The following LINGO2 variants were observed in gnomAD, a reference collection of about 807,000 sequenced individuals.
The protein encoded by LINGO2 is leucine rich repeat and Ig domain containing 2, also known as leucine-rich repeat and immunoglobulin-like domain-containing nogo receptor-interacting protein 2.
Under a neutral mutation model 30.6 loss-of-function variants are expected in LINGO2, and 14 were observed. That is an observed-to-expected ratio of 0.46 (90% confidence interval 0.30 to 0.72). The LOEUF is 0.72. Among genes scored for constraint, LINGO2 ranks in the 30% least tolerant of loss-of-function variants. The probability of loss-of-function intolerance (pLI) is 0.07; values close to 1 mark genes in which losing one functional copy is unlikely to be tolerated. For synonymous variants in LINGO2, 317 were observed against 288.5 expected, an observed-to-expected ratio of 1.10 and a Z score of -1.00; for missense variants, 729 against 751.7, an observed-to-expected ratio of 0.97 and a Z score of 0.35.
chr9:28,319,385 C>A (rs766830292), intron 3 of LINGO2, among the ~76,000 whole-genome samples: 2 of 152,220 alleles, frequency 1.3e-5, no homozygotes, highest in Non-Finnish European at 2.9e-5. Flanking sequence ...TAGATTAAGA[C>A]CACTCAGATA....
the LINGO2 span, among the ~76,000 whole-genome samples, chr9:28,873,315 A>G: frequency 1.3e-5 from 2 of 150,298 alleles, no homozygotes; most frequent in African/African-American, 4.9e-5. Context: ...GGTTGCAGTG[A>G]GCTGAGCTCA....
the LINGO2 span, among the ~76,000 whole-genome samples, chr9:29,091,196 T>C: frequency 6.6e-6 from 1 of 152,074 alleles, no homozygotes; most frequent in Non-Finnish European, 1.5e-5. Flanking sequence ...AGGATTATTG[T>C]AAGGGAAAAG....
At chr9:28,884,201 G>A in the LINGO2 span, among the ~76,000 whole-genome samples, 1 of 151,884 alleles carries the variant, frequency 6.6e-6, no homozygotes, top group Non-Finnish European at 1.5e-5. Context: ...TACAGTTTTT[G>A]TTTTGAAAAT....
intron 4 of LINGO2, among the ~76,000 whole-genome samples, chr9:28,098,979 C>A (rs1826330188): frequency 6.6e-6 from 1 of 152,098 alleles, no homozygotes; most frequent in Admixed American, 6.6e-5. Flanking sequence ...TCATGCTACA[C>A]TGAAGCTGGT....
At chr9:28,774,216 T>C in the LINGO2 span, among the ~76,000 whole-genome samples, 4 of 152,190 alleles carry the variant, frequency 2.6e-5, no homozygotes, top group African/African-American at 9.6e-5. Flanking sequence ...GTTTCTATTC[T>C]TATAATAGTT....
chr9:28,351,070 T>C (rs1333363946), intron 3 of LINGO2, among the ~76,000 whole-genome samples: 1 of 151,880 alleles, frequency 6.6e-6, no homozygotes, highest in Non-Finnish European at 1.5e-5. Context: ...ATTGGCACCC[T>C]AACATCACAA....
At chr9:28,837,583 G>C in the LINGO2 span, among the ~76,000 whole-genome samples, 1 of 146,834 alleles carries the variant, frequency 6.8e-6, no homozygotes, top group Non-Finnish European at 1.5e-5. Context: ...AGAGGCAGAG[G>C]TTGTGGTGAG....
At chr9:28,504,366 A>C (rs1820014077) in intron 1 of LINGO2, among the ~76,000 whole-genome samples, 1 of 151,948 alleles carries the variant, frequency 6.6e-6, no homozygotes, top group Admixed American at 6.6e-5. Flanking sequence ...CATAAGCAGC[A>C]AAATTCAACT....
chr9:28,034,268 C>T (rs1174625039), intron 4 of LINGO2, among the ~76,000 whole-genome samples: 1 of 152,158 alleles, frequency 6.6e-6, no homozygotes, highest in Non-Finnish European at 1.5e-5. Flanking sequence ...AGAGGGGCAG[C>T]TGTGAAGGGC....
chr9:29,073,860 G>A, the LINGO2 span, among the ~76,000 whole-genome samples: 2 of 152,110 alleles, frequency 1.3e-5, no homozygotes. Context: ...GTTGGATATC[G>A]CAGTGCCTCA....
the LINGO2 span, among the ~76,000 whole-genome samples, chr9:29,128,453 T>C: frequency 6.6e-5 from 10 of 152,114 alleles, no homozygotes; most frequent in East Asian, 1.9e-4. Flanking sequence ...TTTTGAAATA[T>C]TGTTTGGCCC....
At chr9:28,377,680 A>T (rs1423759821) in intron 2 of LINGO2, among the ~76,000 whole-genome samples, 2 of 152,168 alleles carry the variant, frequency 1.3e-5, no homozygotes, top group Non-Finnish European at 2.9e-5. Flanking sequence ...CAAAATCCTT[A>T]ATTATACTAG....
intron 4 of LINGO2, among the ~76,000 whole-genome samples, chr9:28,032,574 T>A (rs1823734193): frequency 6.6e-6 from 1 of 152,180 alleles, no homozygotes; most frequent in Non-Finnish European, 1.5e-5. Context: ...GAAAGCAGCT[T>A]GACAAAGGAG....
chr9:28,883,626 G>GTGTGTA, the LINGO2 span, among the ~76,000 whole-genome samples: 12 of 25,636 alleles, frequency 4.7e-4, no homozygotes, highest in African/African-American at 5.8e-4. Flanking sequence ...ATATGTGTGT[G>GTGTGTA]TGTATATATA....
chr9:28,255,695 C>T (rs1391016878), intron 4 of LINGO2, among the ~76,000 whole-genome samples: 1 of 152,066 alleles, frequency 6.6e-6, no homozygotes. Context: ...CTTAGCTTCA[C>T]ATGAAATTCT....
chr9:29,085,709 G>A, the LINGO2 span, among the ~76,000 whole-genome samples: 1 of 152,070 alleles, frequency 6.6e-6, no homozygotes, highest in Non-Finnish European at 1.5e-5. Flanking sequence ...CTAGCACTTA[G>A]TTTGTCCCCA....
chr9:28,515,365 C>A (rs1038721949), intron 1 of LINGO2, among the ~76,000 whole-genome samples: 1 of 152,092 alleles, frequency 6.6e-6, no homozygotes, highest in Non-Finnish European at 1.5e-5. Context: ...CACCACCACG[C>A]CTGGCTAATT....
chr9:28,311,612 A>G (rs1277067868), intron 3 of LINGO2, among the ~76,000 whole-genome samples: 1 of 152,184 alleles, frequency 6.6e-6, no homozygotes, highest in Non-Finnish European at 1.5e-5. Context: ...AAAGAAGAGA[A>G]ATATGGCTCT....
chr9:29,180,242 A>C, the LINGO2 span, among the ~76,000 whole-genome samples: 1 of 152,200 alleles, frequency 6.6e-6, no homozygotes, highest in Non-Finnish European at 1.5e-5. Context: ...TTCTACCCCT[A>C]TCAATAAATG....
Sources: gnomAD v4.1 joint callset for allele counts (sites outside exome capture counted in the v4.1 genomes callset) on GRCh38, gnomAD v4.1.1 for gene constraint, MANE v1.5 for transcripts, NCBI Gene and HGNC (gene_info 2026-07-23, HGNC 2026-07-21) for gene names.